The following FMN1 variants were observed in gnomAD, a reference collection of about 807,000 sequenced individuals.
FMN1 encodes the protein formin 1.
FMN1 carries 110 observed loss-of-function variants against 132.4 expected under a neutral mutation model. That is an observed-to-expected ratio of 0.83 (90% CI 0.71 to 0.97). The LOEUF (loss-of-function observed/expected upper bound fraction) is 0.97. Ranked by LOEUF, FMN1 falls within the 50% of genes least tolerant of loss-of-function variation. FMN1 has a pLI of 0.00. For synonymous variants in FMN1, 722 were observed against 651.7 expected, an observed-to-expected ratio of 1.11 and a Z score of -1.64; for missense variants, 1,792 against 1,705.3, an observed-to-expected ratio of 1.05 and a Z score of -0.90.
intron 7 of FMN1, among the ~76,000 whole-genome samples, chr15:32,998,352 A>T (rs1247381713): frequency 1.3e-5 from 2 of 152,018 alleles, no homozygotes; most frequent in South Asian, 4.1e-4. Context: ...TGATCTAGGT[A>T]ACATGGGAAA....
At chr15:32,948,973 T>C (rs962789655) in intron 9 of FMN1, among the ~76,000 whole-genome samples, 1 of 152,056 alleles carries the variant, frequency 6.6e-6, no homozygotes. Context: ...TTTTTGTATT[T>C]TTCTAGTTAT....
intron 8 of FMN1, among the ~76,000 whole-genome samples, chr15:32,966,492 G>C (rs917847300): frequency 6.6e-6 from 1 of 152,134 alleles, no homozygotes; most frequent in Admixed American, 6.5e-5. Context: ...GGGGGAGAGA[G>C]AGAGAAAGAG....
chr15:33,181,670 A>G (rs560052853), intron 2 of FMN1, among the ~76,000 whole-genome samples: 1 of 151,932 alleles, frequency 6.6e-6, no homozygotes, highest in African/African-American at 2.4e-5. Context: ...GCGGAGAGAC[A>G]AGATCTGATT....
rs76637538 is a variant in FMN1, at chr15:33,184,072, G to A, written c.-196-3810C>T. Among the ~76,000 whole-genome samples the A allele has an allele frequency of 3.5e-3, 539 of 151,894 alleles. 2 individuals are homozygous for A. Among genetic ancestry groups the A allele is most frequent in the African/African-American group, 0.013 (523 of 41,414 alleles). ...AGTTTCAATTCAGTTTCTTTTTATT[G>A]CTTGAAATTCAAGAAAAACTAATGT... is the stretch of plus-strand genomic sequence containing the variant. On this transcript the variant is annotated intron_variant, in intron 2 of 20. Transcript: ENST00000616417.
At chr15:32,952,983 C>G (rs374715853) in intron 9 of FMN1, among the ~76,000 whole-genome samples, 1 of 152,262 alleles carries the variant, frequency 6.6e-6, no homozygotes, top group African/African-American at 2.4e-5. Context: ...CAGTGAGAAG[C>G]TAAAGGCAGT....
At chr15:32,956,904 C>CT (rs2061781735) in intron 9 of FMN1, among the ~76,000 whole-genome samples, 1 of 152,152 alleles carries the variant, frequency 6.6e-6, no homozygotes, top group Non-Finnish European at 1.5e-5. Flanking sequence ...CCCCAATAAA[C>CT]TGAGACATAA....
chr15:33,146,927 A>C (rs8041477), intron 4 of FMN1, among the ~76,000 whole-genome samples: 6,277 of 152,080 alleles, frequency 0.041, 440 homozygotes, highest in African/African-American at 0.14. Context: ...GTAATCCCAG[A>C]ACTTTGGAAG....
At chr15:32,977,366 T>G (rs969486703) in intron 7 of FMN1, among the ~76,000 whole-genome samples, 2 of 152,188 alleles carry the variant, frequency 1.3e-5, no homozygotes, top group African/African-American at 2.4e-5. Flanking sequence ...AAAAAGATAC[T>G]TTCTAGTCAC....
rs1484896414 is a variant in FMN1 at position 33,115,366 on chromosome 15, T to C, written c.1868-26392A>G. 2.0e-5 allele frequency among the ~76,000 whole-genome samples: 3 copies of C among 152,058 alleles called. No homozygotes were observed. The East Asian group carries it at 5.8e-4, about 29-fold the overall frequency. On this transcript the variant is annotated intron_variant, in intron 4 of 20. Transcript: ENST00000616417. ...AGAAACATGTACACATAAAAGAATG[T>C]ATGTGTAAGAAGATGGCATATTTTC...
In FMN1 at chr15:33,115,495, C is replaced by CA. The variant is rs1218589963; in HGVS notation, c.1868-26522_1868-26521insT. ...GAAACTGGATTTCATCCTTAAGCCCCCCCCCCCCACACACACACGCACACA... is the reference window on the plus strand; with the variant it reads ...GAAACTGGATTTCATCCTTAAGCCCCACCCCCCCCACACACACACGCACACA... On this transcript the variant is annotated intron_variant, in intron 4 of 20. Transcript: ENST00000616417. Among the ~76,000 whole-genome samples, 1,285 of 130,612 alleles carry CA rather than the reference C, an allele frequency of 9.8e-3. 4 individuals carry two copies. Among genetic ancestry groups the CA allele is most frequent in the Non-Finnish European group, 0.013 (745 of 58,574 alleles). The allele number at this position is 130,612 out of a possible 152,430, so 85.7% of individuals were successfully genotyped here. A position where few individuals can be genotyped will look rare whatever the true frequency, so the allele number is the denominator to read the frequency against.
intron 15 of FMN1, among the ~76,000 whole-genome samples, chr15:32,889,103 C>T (rs1034234941): frequency 7.2e-5 from 11 of 152,274 alleles, no homozygotes; most frequent in Middle Eastern, 3.4e-3. Context: ...GATCCTCCAG[C>T]CTTGGCTTCC....
chr15:32,877,408 T>C (rs2059663592), intron 16 of FMN1, among the ~76,000 whole-genome samples: 1 of 152,136 alleles, frequency 6.6e-6, no homozygotes, highest in South Asian at 2.1e-4. Flanking sequence ...CTGATATAAT[T>C]TGAAAGTTGA....
chr15:32,896,638 CT>C (rs2060164800), intron 15 of FMN1, among the ~76,000 whole-genome samples: 1 of 150,898 alleles, frequency 6.6e-6, no homozygotes, highest in South Asian at 2.1e-4. Context: ...ACTTTAGATA[CT>C]TATTTAAGTG....
chr15:32,935,916 G>T (rs12913108), intron 9 of FMN1, among the ~76,000 whole-genome samples: 38,124 of 151,920 alleles, frequency 0.25, 5,061 homozygotes, highest in Non-Finnish European at 0.3. Context: ...GTGAGCCACC[G>T]GCACCTAGCC....
At position 32,950,054 on chromosome 15, in the gene FMN1, C is replaced by CATATACACAT. The variant is rs1567449820; in HGVS notation, c.3138+14052_3138+14053insATGTGTATAT. On this transcript the variant is annotated intron_variant, in intron 9 of 20. Coordinates refer to ENST00000616417, the MANE Select transcript of FMN1 (RefSeq NM_001277313.2). ...ATATACACATATATATATATATACA[C>CATATACACAT]ATATATATATATATATATATATATA... Among the ~76,000 whole-genome samples the CATATACACAT allele has an allele frequency of 2.2e-3, 11 of 4,916 alleles. 3 individuals carry two copies. Among genetic ancestry groups the CATATACACAT allele is most frequent in the Non-Finnish European group, 4.8e-3 (9 of 1,878 alleles). The allele number at this position is 4,916 out of a possible 152,430, so 3.2% of individuals were successfully genotyped here.
chr15:32,956,215 A>C (rs2061764542), intron 9 of FMN1, among the ~76,000 whole-genome samples: 1 of 152,052 alleles, frequency 6.6e-6, no homozygotes, highest in African/African-American at 2.4e-5. Context: ...GAGCATCCTA[A>C]ATGCAGCTGG....
intron 4 of FMN1, among the ~76,000 whole-genome samples, chr15:33,111,458 TCAG>T (rs1230474424): frequency 1.3e-5 from 2 of 152,050 alleles, no homozygotes; most frequent in African/African-American, 4.8e-5. Context: ...AGAATACAAC[TCAG>T]CAATTTCACT....
intron 17 of FMN1, among the ~76,000 whole-genome samples, chr15:32,848,985 T>C (rs978956320): frequency 8.0e-5 from 10 of 125,420 alleles, no homozygotes; most frequent in African/African-American, 3.3e-4. Context: ...TTGTTTTTTT[T>C]TTTTTTTTTT....
chr15:33,177,094 AC>A (rs1965540069), intron 3 of FMN1, among the ~76,000 whole-genome samples: 1 of 152,194 alleles, frequency 6.6e-6, no homozygotes, highest in African/African-American at 2.4e-5. Flanking sequence ...TGAAGTAGGT[AC>A]TATTATTATC....
Sources: gnomAD v4.1 joint callset for allele counts (sites outside exome capture counted in the v4.1 genomes callset) on GRCh38, gnomAD v4.1.1 for gene constraint, MANE v1.5 for transcripts, NCBI Gene and HGNC (gene_info 2026-07-23, HGNC 2026-07-21) for gene names.